WWOX: variants seen among roughly 807,000 people sequenced by gnomAD.
WWOX encodes WW domain containing oxidoreductase.
A neutral mutation model predicts 46.2 loss-of-function variants in WWOX; 69 were observed. The ratio of observed to expected loss-of-function variants is 1.49; its 90% confidence interval spans 1.23 to 1.82. The LOEUF (loss-of-function observed/expected upper bound fraction) is 1.82, where lower values mean the gene tolerates loss of function less well. Ranked by LOEUF, WWOX falls within the 40% of genes most tolerant of loss-of-function variation. WWOX has a pLI of 0.00. For synonymous variants in WWOX, 359 were observed against 202.6 expected (o/e 1.77, Z -6.56); for missense variants, 919 against 542.6 (o/e 1.69, Z -6.89).
intron 8 of WWOX, among the ~76,000 whole-genome samples, chr16:78,858,489 C>T (rs1322257757): frequency 2.6e-5 from 4 of 151,860 alleles, no homozygotes; most frequent in Admixed American, 2.6e-4. Context: ...AAACTATACA[C>T]ATAGCTGAAT....
At chr16:78,876,836 C>G (rs182453877) in intron 8 of WWOX, among the ~76,000 whole-genome samples, 44 of 152,286 alleles carry the variant, frequency 2.9e-4, no homozygotes, top group Non-Finnish European at 4.9e-4. Flanking sequence ...ATCTTAACAG[C>G]TTGGCAAACC....
At position 78,249,766 on chromosome 16, in the gene WWOX, C is replaced by A. The variant is rs537748408; in HGVS notation, c.516+85477C>A. ...CCCCTTTCTTCCCAAGAATTGAAAG[C>A]CTCAAACTAGAACGTGGCTTTTGAA... is the stretch of plus-strand genomic sequence containing the variant. On this transcript the variant is annotated intron_variant, in intron 5 of 8. Transcript: ENST00000566780. Among the ~76,000 whole-genome samples, 3 of 152,112 alleles carry A rather than the reference C, an allele frequency of 2.0e-5. No homozygotes were observed. In the East Asian group the frequency reaches 5.8e-4, roughly 29 times the overall value.
At chr16:78,500,728 G>A (rs1192803736) in intron 8 of WWOX, among the ~76,000 whole-genome samples, 1 of 152,168 alleles carries the variant, frequency 6.6e-6, no homozygotes, top group African/African-American at 2.4e-5. Context: ...TGTGCTGGAA[G>A]CCCCAGTAAT....
intron 8 of WWOX, among the ~76,000 whole-genome samples, chr16:78,716,660 C>A (rs931293567): frequency 2.0e-5 from 3 of 151,998 alleles, no homozygotes; most frequent in African/African-American, 7.2e-5. Flanking sequence ...CTGTGCTGCT[C>A]CTTGGGTGAC....
At chr16:78,240,350 AG>A (rs1779761943) in intron 5 of WWOX, among the ~76,000 whole-genome samples, 2 of 152,014 alleles carry the variant, frequency 1.3e-5, no homozygotes, top group South Asian at 2.1e-4. Flanking sequence ...AAACAGAAAA[AG>A]GAGGAGAGGA....
chr16:78,611,097 G>A (rs571615318), intron 8 of WWOX, among the ~76,000 whole-genome samples: 1 of 152,260 alleles, frequency 6.6e-6, no homozygotes, highest in Admixed American at 6.5e-5. Flanking sequence ...AGTGTGTGTG[G>A]TCACCAAAGC....
intron 8 of WWOX, among the ~76,000 whole-genome samples, chr16:78,966,068 A>G (rs1464381968): frequency 6.6e-6 from 1 of 152,210 alleles, no homozygotes; most frequent in East Asian, 1.9e-4. Flanking sequence ...CTGTGTGACC[A>G]GCTCTGAGGA....
intron 5 of WWOX, among the ~76,000 whole-genome samples, chr16:78,245,549 T>C (rs1469369322): frequency 6.6e-6 from 1 of 152,180 alleles, no homozygotes; most frequent in East Asian, 1.9e-4. Context: ...GGCCTTTTGA[T>C]TTGAAATGTT....
intron 8 of WWOX, among the ~76,000 whole-genome samples, chr16:78,631,076 A>C (rs963979903): frequency 6.6e-6 from 1 of 152,184 alleles, no homozygotes; most frequent in Non-Finnish European, 1.5e-5. Flanking sequence ...GAGATGATTT[A>C]AAGTGTACAG....
At chr16:78,613,349 G>A (rs1793234892) in intron 8 of WWOX, among the ~76,000 whole-genome samples, 2 of 152,126 alleles carry the variant, frequency 1.3e-5, no homozygotes, top group Non-Finnish European at 2.9e-5. Flanking sequence ...TTGTCCCCAT[G>A]CTGTGTCGCA....
chr16:78,425,446 A>G (rs1330520791), intron 7 of WWOX, among the ~76,000 whole-genome samples: 1 of 152,182 alleles, frequency 6.6e-6, no homozygotes, highest in African/African-American at 2.4e-5. Flanking sequence ...GCGAGATGAA[A>G]TCAAATTGTT....
At chr16:78,776,557 A>G (rs572713038) in intron 8 of WWOX, among the ~76,000 whole-genome samples, 1 of 152,286 alleles carries the variant, frequency 6.6e-6, no homozygotes, top group South Asian at 2.1e-4. Context: ...TGTGTGCCAT[A>G]CTTACCTTTA....
chr16:78,423,814 C>T (rs558340713), intron 6 of WWOX, among the ~76,000 whole-genome samples: 1 of 150,764 alleles, frequency 6.6e-6, no homozygotes, highest in South Asian at 2.1e-4. Context: ...CCACTGCACT[C>T]CAGCCTGGAT....
At chr16:78,922,659 G>A (rs571964782) in intron 8 of WWOX, among the ~76,000 whole-genome samples, 7 of 151,772 alleles carry the variant, frequency 4.6e-5, no homozygotes, top group South Asian at 2.1e-4. Context: ...GATTACAGGC[G>A]TGAGCCACGA....
At chr16:78,548,256 G>T (rs561292169) in intron 8 of WWOX, among the ~76,000 whole-genome samples, 1 of 150,984 alleles carries the variant, frequency 6.6e-6, no homozygotes, top group African/African-American at 2.4e-5. Flanking sequence ...CTCTGCTGTT[G>T]ATTCTCTTCA....
chr16:78,141,053 A>G (rs1054913552), intron 4 of WWOX, among the ~76,000 whole-genome samples: 1 of 152,168 alleles, frequency 6.6e-6, no homozygotes, highest in African/African-American at 2.4e-5. Flanking sequence ...TTCAGAAGTA[A>G]TTGTTCTTTT....
chr16:78,222,830 C>T (rs779372606), intron 5 of WWOX, among the ~76,000 whole-genome samples: 5 of 152,200 alleles, frequency 3.3e-5, no homozygotes, highest in Admixed American at 6.5e-5. Context: ...AGAAGTGACA[C>T]GCGCTCCAGA....
At chr16:78,746,175 G>C (rs1346456820) in intron 8 of WWOX, among the ~76,000 whole-genome samples, 1 of 152,202 alleles carries the variant, frequency 6.6e-6, no homozygotes, top group Non-Finnish European at 1.5e-5. Context: ...TCAAAGCAGG[G>C]TCAGCAGAAA....
chr16:78,940,927 A>C lies in WWOX; in HGVS notation c.1057-270681A>C, dbSNP rs190894559. On this transcript the variant is annotated intron_variant, in intron 8 of 8. Coordinates refer to ENST00000566780, the MANE Select transcript of WWOX (RefSeq NM_016373.4). ...ATGCTGTCCATTTGCTTGGATCCCA[A>C]GGAATTTTCTTCTGCCCCCCCACCC... Among the ~76,000 whole-genome samples the C allele has an allele frequency of 2.3e-3, 346 of 151,998 alleles. 3 individuals carry two copies. Among genetic ancestry groups the C allele is most frequent in the African/African-American group, 8.0e-3 (331 of 41,480 alleles).
Sources: allele counts gnomAD v4.1 joint callset (sites outside exome capture counted in the v4.1 genomes callset), GRCh38; gene constraint gnomAD v4.1.1; transcripts MANE v1.5; gene names NCBI Gene and HGNC (gene_info 2026-07-23, HGNC 2026-07-21).